The following ZFAND4 variants were observed in gnomAD, a reference collection of about 807,000 sequenced individuals.
The protein encoded by ZFAND4 is zinc finger AN1-type containing 4, also known as AN1-type zinc finger protein 4.
A neutral mutation model predicts 64.4 loss-of-function variants in ZFAND4; 43 were observed. The ratio of observed to expected loss-of-function variants is 0.67; its 90% CI spans 0.52 to 0.86. The LOEUF (loss-of-function observed/expected upper bound fraction) is 0.86. Among genes scored for constraint, ZFAND4 ranks in the 40% least tolerant of loss-of-function variants. The pLI, the probability that ZFAND4 is intolerant of heterozygous loss-of-function variation, is 0.00. For synonymous variants in ZFAND4, 296 were observed against 305.7 expected (o/e 0.97, Z 0.33); for missense variants, 929 against 859.8 (o/e 1.08, Z -1.01).
chr10:45,666,272 C>T (rs1318577893), intron 1 of ZFAND4, among the ~76,000 whole-genome samples: 1 of 152,174 alleles, frequency 6.6e-6, no homozygotes, highest in Admixed American at 6.5e-5. Flanking sequence ...TAGTATCTCA[C>T]TGTGGTTGAC....
At chr10:45,667,480 T>G (rs989945363) in intron 1 of ZFAND4, among the ~76,000 whole-genome samples, 10 of 116,814 alleles carry the variant, frequency 8.6e-5, no homozygotes, top group Non-Finnish European at 1.4e-4. Flanking sequence ...TTTTTTTTTT[T>G]TGGAGGGGGT....
At chr10:45,649,987 A>G (rs2047654362) in intron 4 of ZFAND4, 1 of 152,280 alleles carries the variant, frequency 6.6e-6, no homozygotes, top group Non-Finnish European at 1.5e-5. Flanking sequence ...AGATTTTATC[A>G]GCTATAAAAC....
chr10:45,619,888 C>T (rs1025747518), intron 8 of ZFAND4, among the ~76,000 whole-genome samples: 1 of 152,138 alleles, frequency 6.6e-6, no homozygotes, highest in Non-Finnish European at 1.5e-5. Flanking sequence ...TTCTCAAGTG[C>T]ACTTAGAGAT....
At chr10:45,661,148 G>C (rs750895927) in intron 2 of ZFAND4, among the ~76,000 whole-genome samples, 1 of 152,040 alleles carries the variant, frequency 6.6e-6, no homozygotes, top group Non-Finnish European at 1.5e-5. Flanking sequence ...ACTCTGCTAA[G>C]CACTTCACCT....
rs572951261 is a variant in ZFAND4, at chr10:45,616,886, C to T, written c.2049-315G>A. Among the ~76,000 whole-genome samples the T allele has an allele frequency of 1.3e-3, 194 of 152,126 alleles. 1 individual carries two copies. The highest frequency in any genetic ancestry group is 4.3e-3 in the African/African-American group (179 of 41,522). ...GAGGCGGGTGGATCTCCAGGCCATC[C>T]AGGCCAACATGATGAAAACCCATCT... On this transcript the variant is annotated intron_variant, in intron 9 of 9. Coordinates refer to ENST00000344646, the MANE Select transcript of ZFAND4 (RefSeq NM_174890.4).
In ZFAND4 at chr10:45,637,518, G is replaced by A. The variant is rs150090403; in HGVS notation, c.717+2298C>T. On this transcript the variant is annotated intron_variant, in intron 6 of 9. Transcript: ENST00000344646. ...TGTAATCCCAGCACTTTGGGAGGCC[G>A]AGGCAGGCAGATGACAAGGTCAGAA... Among the ~76,000 whole-genome samples, 763 of 152,148 alleles carry A rather than the reference G, an allele frequency of 5.0e-3. 6 individuals carry two copies. Among genetic ancestry groups the A allele is most frequent in the African/African-American group, 0.017 (706 of 41,494 alleles).
chr10:45,632,316 C>T (rs560487225), intron 6 of ZFAND4, among the ~76,000 whole-genome samples: 48 of 152,246 alleles, frequency 3.2e-4, no homozygotes, highest in Non-Finnish European at 5.7e-4. Flanking sequence ...CAAGATCGTG[C>T]CATTGCACTC....
In ZFAND4 at chr10:45,663,846, A is replaced by C; in HGVS notation, c.-117-4T>G. ...GTTCATGTTTTGAGTTTTGTACCTA[A>C]AAAAACAAGAATTTTTTTAACAAGC... On this transcript the variant is annotated splice_polypyrimidine_tract_variant and splice_region_variant and intron_variant, in intron 1 of 9. Transcript: ENST00000344646. The C allele has an allele frequency of 4.9e-6, 4 of 819,308 alleles. No individual in the cohort carries two copies. The allele number at this position is 819,308 out of a possible 1,614,324, so 50.8% of individuals were successfully genotyped here.
intron 9 of ZFAND4, chr10:45,617,653 A>G (rs1180303823): frequency 6.6e-6 from 1 of 151,592 alleles, no homozygotes; most frequent in Admixed American, 6.6e-5. Flanking sequence ...CCTAGCCCCA[A>G]TCTAAGGGCA....
At chr10:45,667,099 A>G (rs1016737014) in intron 1 of ZFAND4, among the ~76,000 whole-genome samples, 7 of 152,228 alleles carry the variant, frequency 4.6e-5, no homozygotes, top group Non-Finnish European at 8.8e-5. Flanking sequence ...TAAGTCTTCT[A>G]ATCCATAAAT....
At chr10:45,639,678 G>T in intron 6 of ZFAND4, 138 bp downstream of exon 6, 1 of 1,098,094 alleles carries the variant, frequency 9.1e-7, no homozygotes, top group Non-Finnish European at 1.2e-6. Context: ...CCTTTTAGAA[G>T]TTTAATAAAT....
In ZFAND4 at chr10:45,665,370, T is replaced by C. The variant is rs891891685; in HGVS notation, c.-117-1528A>G. Reference sequence around the variant, plus strand: ...GCCTGGCCAAAATGGCGAAACCCCATCTCTACCAAAAAATACAAAAATTAG... The same window carrying C: ...GCCTGGCCAAAATGGCGAAACCCCACCTCTACCAAAAAATACAAAAATTAG... On this transcript the variant is annotated intron_variant, in intron 1 of 9. Coordinates refer to ENST00000344646, the MANE Select transcript of ZFAND4 (RefSeq NM_174890.4). 5.3e-4 allele frequency among the ~76,000 whole-genome samples: 80 copies of C among 151,892 alleles called. 1 individual carries two copies. The highest frequency in any genetic ancestry group is 1.9e-3 in the African/African-American group (80 of 41,400).
chr10:45,636,487 A>T (rs2046605723), intron 6 of ZFAND4, among the ~76,000 whole-genome samples: 3 of 152,200 alleles, frequency 2.0e-5, no homozygotes, highest in Admixed American at 6.5e-5. Context: ...AATACAAAAA[A>T]TTAGCCAGGC....
At chr10:45,655,299 A>G (rs1405360496) in intron 2 of ZFAND4, among the ~76,000 whole-genome samples, 2 of 152,238 alleles carry the variant, frequency 1.3e-5, no homozygotes, top group Non-Finnish European at 2.9e-5. Flanking sequence ...AAATTCTTCC[A>G]AAGGAATGAT....
intron 6 of ZFAND4, among the ~76,000 whole-genome samples, chr10:45,637,731 C>T (rs1457416804): frequency 1.3e-5 from 2 of 152,034 alleles, no homozygotes; most frequent in African/African-American, 4.8e-5. Context: ...GCCTGGGCAA[C>T]AGGGCGAGAC....
rs915678867 is a variant in ZFAND4 at position 45,642,684 on chromosome 10, C to CT, written c.570-2722dup. Among the ~76,000 whole-genome samples the CT allele has an allele frequency of 4.4e-3, 654 of 148,466 alleles. 2 individuals carry two copies. Among genetic ancestry groups the CT allele is most frequent in the African/African-American group, 0.014 (571 of 40,492 alleles). On this transcript the variant is annotated intron_variant, in intron 5 of 9. Transcript: ENST00000344646. ...AGTATAAAAACACTTTTAAATTCAC[C>CT]TTTTTTTTTCAAAGAACCACATTAT...
At chr10:45,665,599 T>A (rs1360846335) in intron 1 of ZFAND4, among the ~76,000 whole-genome samples, 2 of 152,094 alleles carry the variant, frequency 1.3e-5, no homozygotes, top group Non-Finnish European at 2.9e-5. Context: ...AATTCACTCA[T>A]TTAAAGCCTA....
intron 6 of ZFAND4, among the ~76,000 whole-genome samples, chr10:45,637,093 C>A (rs964213939): frequency 6.6e-6 from 1 of 151,354 alleles, no homozygotes; most frequent in Admixed American, 6.6e-5. Context: ...GTAATCCCAA[C>A]ACTTTGGGAG....
intron 2 of ZFAND4, among the ~76,000 whole-genome samples, chr10:45,659,383 G>A (rs1307245346): frequency 6.6e-6 from 1 of 152,178 alleles, no homozygotes; most frequent in Non-Finnish European, 1.5e-5. Context: ...GGAGTCTTTA[G>A]GGAAACTCAA....
Sources: allele counts gnomAD v4.1 joint callset (sites outside exome capture counted in the v4.1 genomes callset), GRCh38; gene constraint gnomAD v4.1.1; transcripts MANE v1.5; gene names NCBI Gene and HGNC (gene_info 2026-07-23, HGNC 2026-07-21).